Variants in PARP8 observed in about 807,000 individuals in gnomAD.
The protein encoded by PARP8 is protein mono-ADP-ribosyltransferase PARP8.
Under a neutral mutation model 124.1 loss-of-function variants are expected in PARP8, and 51 were observed. The ratio of observed to expected loss-of-function variants is 0.41; its 90% confidence interval spans 0.33 to 0.52. PARP8 has a LOEUF of 0.52. Among genes scored for constraint, PARP8 ranks in the 20% least tolerant of loss-of-function variants. PARP8 has a pLI of 0.21. For missense variants in PARP8, 860 were observed against 1,018.9 expected, an observed-to-expected ratio of 0.84 and a Z score of 2.12; for synonymous variants, 391 against 361.5, an observed-to-expected ratio of 1.08 and a Z score of -0.93.
chr5:50,672,727 A>T (rs1561224997), intron 2 of PARP8, among the ~76,000 whole-genome samples: 1 of 152,164 alleles, frequency 6.6e-6, no homozygotes, highest in Non-Finnish European at 1.5e-5. Context: ...GCCCTAATCC[A>T]CCTGGGCCCG....
chr5:50,827,257 C>G (rs1176074357), intron 19 of PARP8, among the ~76,000 whole-genome samples: 3 of 152,098 alleles, frequency 2.0e-5, no homozygotes, highest in Non-Finnish European at 4.4e-5. Context: ...GATTTCAGTT[C>G]TGATCATCAC....
At chr5:50,793,417 G>C (rs1041358000) in intron 10 of PARP8, among the ~76,000 whole-genome samples, 5 of 152,188 alleles carry the variant, frequency 3.3e-5, no homozygotes, top group African/African-American at 7.2e-5. Context: ...CCAAGCCAAA[G>C]ACCTTTCCCA....
chr5:50,809,094 ATAGAGAC>A (rs1380727280), intron 14 of PARP8, among the ~76,000 whole-genome samples: 2 of 152,172 alleles, frequency 1.3e-5, no homozygotes, highest in Middle Eastern at 3.4e-3. Context: ...TATGAGACAA[ATAGAGAC>A]TACTGCATGT....
chr5:50,706,734 C>T (rs529263394), intron 2 of PARP8, among the ~76,000 whole-genome samples: 4 of 151,960 alleles, frequency 2.6e-5, no homozygotes, highest in South Asian at 4.2e-4. Flanking sequence ...GTACAAATAC[C>T]GCAGAGCTTG....
At chr5:50,694,555 G>A (rs2149465708) in intron 2 of PARP8, among the ~76,000 whole-genome samples, 1 of 152,246 alleles carries the variant, frequency 6.6e-6, no homozygotes, top group East Asian at 1.9e-4. Flanking sequence ...TTTCCTTAGG[G>A]TGGCTTTAAG....
intron 7 of PARP8, among the ~76,000 whole-genome samples, chr5:50,764,927 T>C (rs1760907777): frequency 6.6e-6 from 1 of 151,812 alleles, no homozygotes; most frequent in Admixed American, 6.6e-5. Flanking sequence ...GATATAACAA[T>C]CATAATACAA....
At position 50,844,012 on chromosome 5, in the gene PARP8, C is replaced by T. The variant is rs555631691; in HGVS notation, c.*1944C>T. ...CCAGCATAATTCAAAATCCACTGAC[C>T]TAATCCATTATGGCTTTACTTAACA... On this transcript the variant is annotated 3_prime_UTR_variant, in exon 26 of 26. Transcript: ENST00000281631. 1 of 151,850 alleles carries T rather than the reference C, an allele frequency of 6.6e-6. No individual in the cohort carries two copies. Among genetic ancestry groups the T allele is most frequent in the East Asian group, 1.9e-4 (1 of 5,152 alleles). 9.4% of individuals were successfully genotyped at this position (151,850 alleles called of 1,614,324 possible).
chr5:50,747,171 T>TTG (rs1554054096), intron 2 of PARP8, among the ~76,000 whole-genome samples: 3 of 145,522 alleles, frequency 2.1e-5, no homozygotes, highest in Admixed American at 6.8e-5. Flanking sequence ...TTGTTTTTTT[T>TTG]TTTTTTTTTG....
chr5:50,716,960 G>A (rs540430806), intron 2 of PARP8, among the ~76,000 whole-genome samples: 16 of 152,150 alleles, frequency 1.1e-4, no homozygotes, highest in African/African-American at 3.9e-4. Context: ...TCATGTATCA[G>A]CCACTGTTCA....
intron 2 of PARP8, among the ~76,000 whole-genome samples, chr5:50,730,342 G>T (rs1756853735): frequency 6.6e-6 from 1 of 152,128 alleles, no homozygotes; most frequent in Non-Finnish European, 1.5e-5. Flanking sequence ...ACAGGCCTGG[G>T]GAGGCCTCAG....
intron 2 of PARP8, among the ~76,000 whole-genome samples, chr5:50,687,747 T>A (rs1222181895): frequency 6.6e-6 from 1 of 152,122 alleles, no homozygotes; most frequent in Non-Finnish European, 1.5e-5. Context: ...CTCCCCCGTA[T>A]AATAACTATC....
intron 6 of PARP8, among the ~76,000 whole-genome samples, chr5:50,762,739 A>T (rs1196627957): frequency 6.6e-6 from 1 of 152,216 alleles, no homozygotes; most frequent in African/African-American, 2.4e-5. Context: ...TAGCAATAAG[A>T]TAGTTTTCCC....
chr5:50,763,178 C>G lies in PARP8; in HGVS notation c.454C>G (p.Pro152Ala). The stretch of plus-strand genomic sequence containing the variant: ...CTATGATGGGGAACTGCACAAGCAC[C>G]CACAACTGGAAGCTGATTTGTCAGC... ...VNYDGELHKH[P>A]QLEADLSAVR... The change falls in exon 7 of 26, where the codon CCA becomes GCA. Residue 152 changes from proline (P) to alanine (A), a missense_variant. Physicochemically the swap from Pro to Ala is conservative, Grantham distance 27. Transcript: ENST00000281631. 1 of 1,613,680 alleles carries G rather than the reference C, an allele frequency of 6.2e-7. No individual in the cohort carries two copies. Among genetic ancestry groups the G allele is most frequent in the South Asian group, 1.1e-5 (1 of 91,064 alleles).
At chr5:50,828,495 C>G (rs1746591666) in intron 21 of PARP8, 111 bp downstream of exon 21, 1 of 918,782 alleles carries the variant, frequency 1.1e-6, no homozygotes, top group Non-Finnish European at 1.7e-6. Flanking sequence ...GTGAGTAAGA[C>G]ATTATATGGA....
chr5:50,742,347 G>A (rs1271177713), intron 2 of PARP8, among the ~76,000 whole-genome samples: 1 of 152,156 alleles, frequency 6.6e-6, no homozygotes, highest in East Asian at 1.9e-4. Flanking sequence ...TTGTGAAATT[G>A]TTAGATTAAA....
At chr5:50,769,619 A>C (rs1166411886) in intron 7 of PARP8, among the ~76,000 whole-genome samples, 1 of 151,874 alleles carries the variant, frequency 6.6e-6, no homozygotes, top group South Asian at 2.1e-4. Flanking sequence ...CAATATTTAT[A>C]GTGTAAACAA....
At chr5:50,777,545 T>G (rs1740167429) in intron 7 of PARP8, among the ~76,000 whole-genome samples, 1 of 152,174 alleles carries the variant, frequency 6.6e-6, no homozygotes, top group Non-Finnish European at 1.5e-5. Context: ...AGTTCCTTTT[T>G]TTTTTTAATA....
At chr5:50,796,770 G>A (rs564605747) in intron 12 of PARP8, among the ~76,000 whole-genome samples, 1 of 152,260 alleles carries the variant, frequency 6.6e-6, no homozygotes, top group African/African-American at 2.4e-5. Context: ...TTCATTTACT[G>A]TAGGCAAAAA....
chr5:50,741,638 C>T lies in PARP8; in HGVS notation c.147-8513C>T, dbSNP rs370643375. Among the ~76,000 whole-genome samples the T allele has an allele frequency of 3.9e-4, 59 of 152,222 alleles. No individual in the cohort carries two copies. In the South Asian group the frequency reaches 9.1e-3, roughly 24 times the overall value. On this transcript the variant is annotated intron_variant, in intron 2 of 25. Coordinates refer to ENST00000281631, the MANE Select transcript of PARP8 (RefSeq NM_024615.4). Reference sequence around the variant, plus strand: ...CATTACTTTTGATCCTGTTACTTCACGTGCTGAAAGTATAACTTAAAAAAT... The same window carrying T: ...CATTACTTTTGATCCTGTTACTTCATGTGCTGAAAGTATAACTTAAAAAAT...
Sources: gnomAD v4.1 joint callset for allele counts (sites outside exome capture counted in the v4.1 genomes callset) on GRCh38, gnomAD v4.1.1 for gene constraint, MANE v1.5 for transcripts, NCBI Gene and HGNC (gene_info 2026-07-23, HGNC 2026-07-21) for gene names.